Variants in ERC2 observed in about 807,000 individuals in gnomAD.
ERC2 encodes ELKS/RAB6-interacting/CAST family member 2.
ERC2 carries 42 observed loss-of-function variants against 114.8 expected under a neutral mutation model. That is an observed-to-expected ratio of 0.37 (90% confidence interval 0.29 to 0.47). ERC2 has a LOEUF of 0.47. Ranked by LOEUF, ERC2 falls within the 20% of genes least tolerant of loss-of-function variation. ERC2 has a pLI of 0.99. For synonymous variants in ERC2, 454 were observed against 425.5 expected (o/e 1.07, Z -0.82); for missense variants, 939 against 1,150.7 (o/e 0.82, Z 2.66).
Position 56,232,314 on chromosome 3 carries a change from A to G in ERC2, c.1075-58794T>C, listed in dbSNP as rs149984624. 9.9e-5 allele frequency among the ~76,000 whole-genome samples: 15 copies of G among 152,068 alleles called. No individual in the cohort carries two copies. The East Asian group carries it at 2.9e-3, about 29-fold the overall frequency. On this transcript the variant is annotated intron_variant, in intron 3 of 17. Coordinates refer to ENST00000288221, the MANE Select transcript of ERC2 (RefSeq NM_015576.3). ...CCAAAACAATCCAAAATAAGAAACA[A>G]AAATCCACTCTAAAATAAAAATAAA...
intron 3 of ERC2, among the ~76,000 whole-genome samples, chr3:56,202,075 T>C (rs2048440116): frequency 6.6e-6 from 1 of 152,206 alleles, no homozygotes; most frequent in Admixed American, 6.5e-5. Flanking sequence ...TTAGGCAGAA[T>C]ACCGCAGGCC....
At chr3:55,877,080 A>C (rs998327061) in intron 14 of ERC2, among the ~76,000 whole-genome samples, 6 of 152,228 alleles carry the variant, frequency 3.9e-5, no homozygotes, top group Non-Finnish European at 7.3e-5. Flanking sequence ...AAGAAACACC[A>C]GTATAAAAAA....
At chr3:56,221,168 C>CGA (rs1266724276) in intron 3 of ERC2, among the ~76,000 whole-genome samples, 2 of 151,900 alleles carry the variant, frequency 1.3e-5, no homozygotes, top group East Asian at 3.9e-4. Context: ...TGAAAATTTT[C>CGA]AAATTAGATT....
intron 2 of ERC2, among the ~76,000 whole-genome samples, chr3:56,363,827 G>GA (rs1252248104): frequency 3.7e-5 from 5 of 135,272 alleles, no homozygotes; most frequent in African/African-American, 1.4e-4. Flanking sequence ...GAAAGGGAGG[G>GA]AGGGAGGGAG....
At chr3:55,982,207 G>A (rs968385795) in intron 12 of ERC2, among the ~76,000 whole-genome samples, 1 of 152,112 alleles carries the variant, frequency 6.6e-6, no homozygotes, top group Non-Finnish European at 1.5e-5. Context: ...AGAAAACCGA[G>A]GATTGAACAG....
chr3:55,645,761 T>C (rs1373695424), intron 17 of ERC2, among the ~76,000 whole-genome samples: 4 of 152,170 alleles, frequency 2.6e-5, no homozygotes, highest in Non-Finnish European at 5.9e-5. Flanking sequence ...AATTCATGAA[T>C]GTTTCAATGT....
intron 5 of ERC2, 87 bp from the exon 6 acceptor site, chr3:56,139,763 A>AGCAG: frequency 7.2e-7 from 1 of 1,387,578 alleles, no homozygotes; most frequent in Non-Finnish European, 9.9e-7. Context: ...TCTCCATTTC[A>AGCAG]GCAGCCAGTG....
intron 2 of ERC2, among the ~76,000 whole-genome samples, chr3:56,358,016 C>A (rs529006317): frequency 1.3e-5 from 2 of 151,952 alleles, no homozygotes; most frequent in South Asian, 2.1e-4. Context: ...AGCCCCATAC[C>A]GGCTAAGCAG....
chr3:55,682,076 G>A (rs2062082862), intron 17 of ERC2, among the ~76,000 whole-genome samples: 1 of 152,152 alleles, frequency 6.6e-6, no homozygotes, highest in African/African-American at 2.4e-5. Context: ...TTTGAGGCAG[G>A]CTTCATGTGT....
chr3:55,563,125 G>C (rs1227496594), intron 17 of ERC2, among the ~76,000 whole-genome samples: 3 of 152,184 alleles, frequency 2.0e-5, no homozygotes, highest in African/African-American at 7.2e-5. Flanking sequence ...AGATACCAGA[G>C]AGACTGTACA....
At chr3:55,940,850 T>C (rs2066741438) in intron 13 of ERC2, among the ~76,000 whole-genome samples, 1 of 152,212 alleles carries the variant, frequency 6.6e-6, no homozygotes, top group South Asian at 2.1e-4. Flanking sequence ...CCCAAGTTTA[T>C]GCCACCTAAT....
chr3:55,888,232 T>A lies in ERC2; in HGVS notation c.2564+157A>T, dbSNP rs533373808. ...CAAATTGAGACACCAAAGTTACAAT[T>A]AAAAAATAAGAAACATACTTTCAGA... On this transcript the variant is annotated intron_variant, in intron 14 of 17. Transcript: ENST00000288221. Among the ~76,000 whole-genome samples the A allele has an allele frequency of 3.9e-5, 6 of 152,278 alleles. No individual in the cohort carries two copies. The East Asian group carries it at 9.7e-4, about 25-fold the overall frequency.
intron 14 of ERC2, among the ~76,000 whole-genome samples, chr3:55,800,984 T>C (rs745411240): frequency 6.6e-6 from 1 of 152,216 alleles, no homozygotes; most frequent in Non-Finnish European, 1.5e-5. Flanking sequence ...CCTCTCCTTC[T>C]TTTGTCCTTT....
intron 2 of ERC2, among the ~76,000 whole-genome samples, chr3:56,331,607 C>T (rs2057619183): frequency 6.6e-6 from 1 of 152,082 alleles, no homozygotes; most frequent in African/African-American, 2.4e-5. Context: ...GGCTTGTATG[C>T]ACTAGGACGT....
intron 14 of ERC2, among the ~76,000 whole-genome samples, chr3:55,759,373 T>G (rs1575510310): frequency 6.7e-6 from 1 of 150,024 alleles, no homozygotes; most frequent in South Asian, 2.1e-4. Context: ...CTTCATCTTC[T>G]CCACATTTGC....
At chr3:55,839,737 A>G (rs2061049152) in intron 14 of ERC2, among the ~76,000 whole-genome samples, 1 of 151,970 alleles carries the variant, frequency 6.6e-6, no homozygotes, top group African/African-American at 2.4e-5. Context: ...TCAATTAAAA[A>G]TCCTCAATTA....
At chr3:56,018,835 A>G (rs1481755965) in intron 8 of ERC2, 59 bp downstream of exon 8, 6 of 1,571,952 alleles carry the variant, frequency 3.8e-6, no homozygotes, top group Non-Finnish European at 4.3e-6. Flanking sequence ...ATTGGGATCA[A>G]CTTTCCCCAA....
At chr3:55,703,836 AG>A (rs1202001820) in intron 15 of ERC2, among the ~76,000 whole-genome samples, 1 of 152,172 alleles carries the variant, frequency 6.6e-6, no homozygotes, top group East Asian at 1.9e-4. Context: ...AATTCTTGGG[AG>A]TGGCGAAGGA....
intron 17 of ERC2, among the ~76,000 whole-genome samples, chr3:55,594,870 G>C (rs1406408889): frequency 2.0e-5 from 3 of 151,942 alleles, no homozygotes; most frequent in Non-Finnish European, 4.4e-5. Flanking sequence ...AACCCCAACT[G>C]TCACCACCAC....
Sources: allele counts gnomAD v4.1 joint callset (sites outside exome capture counted in the v4.1 genomes callset), GRCh38; gene constraint gnomAD v4.1.1; transcripts MANE v1.5; gene names NCBI Gene and HGNC (gene_info 2026-07-23, HGNC 2026-07-21).